The following ZBTB11 variants were observed in gnomAD, a reference collection of about 807,000 sequenced individuals.
ZBTB11 encodes the protein zinc finger and BTB domain containing 11, also known as zinc finger and BTB domain-containing protein 11.
A neutral mutation model predicts 113.1 loss-of-function variants in ZBTB11; 68 were observed. That is an observed-to-expected ratio of 0.60 (90% CI 0.49 to 0.74). The LOEUF (loss-of-function observed/expected upper bound fraction) is 0.74, where lower values mean the gene tolerates loss of function less well. Among genes scored for constraint, ZBTB11 ranks in the 30% least tolerant of loss-of-function variants. ZBTB11 has a pLI of 0.00. For synonymous variants in ZBTB11, 518 were observed against 452.6 expected (o/e 1.14, Z -1.83); for missense variants, 1,104 against 1,279.4 (o/e 0.86, Z 2.09).
At chr3:101,654,947 G>A (rs1936769820) in intron 7 of ZBTB11, 126 bp from the exon 8 acceptor site, 5 of 645,824 alleles carry the variant, frequency 7.7e-6, no homozygotes, top group Middle Eastern at 4.0e-4. Context: ...GCGTGATCTC[G>A]GCTCATCGCA....
Position 101,651,100 on chromosome 3 carries a change from G to T in ZBTB11, c.*66C>A. The T allele has an allele frequency of 6.8e-7, 1 of 1,475,122 alleles. No individual in the cohort carries two copies. The highest frequency in any genetic ancestry group is 9.0e-7 in the Non-Finnish European group (1 of 1,106,898). 91.4% of individuals were successfully genotyped at this position (1,475,122 alleles called of 1,614,324 possible). A position where few individuals can be genotyped will look rare whatever the true frequency, so the allele number is the denominator to read the frequency against. Reference sequence around the variant, plus strand: ...TCCAAGCAGACAGTCACACAGAATTGTAAACAAATGTTCTGTGAGTTCAGT... The same window carrying T: ...TCCAAGCAGACAGTCACACAGAATTTTAAACAAATGTTCTGTGAGTTCAGT... On this transcript the variant is annotated 3_prime_UTR_variant, in exon 11 of 11. Coordinates refer to ENST00000312938, the MANE Select transcript of ZBTB11 (RefSeq NM_014415.4).
intron 6 of ZBTB11, among the ~76,000 whole-genome samples, chr3:101,659,413 C>A (rs1015973340): frequency 2.0e-5 from 3 of 152,178 alleles, no homozygotes; most frequent in Admixed American, 6.5e-5. Flanking sequence ...GAGAAGAACA[C>A]AGCTTAGGCA....
In ZBTB11 at chr3:101,652,945, T is replaced by C; in HGVS notation, c.2310-7A>G. 1.2e-6 allele frequency: 2 copies of C among 1,608,194 alleles called. No individual in the cohort carries two copies. Among genetic ancestry groups the C allele is most frequent in the Non-Finnish European group, 8.5e-7 (1 of 1,177,710 alleles). Reference sequence around the variant, plus strand: ...AAAGAAACTTTTTTCACATCTGCAATAAAGTTCAGTTACCCAATTGGATAA... The same window carrying C: ...AAAGAAACTTTTTTCACATCTGCAACAAAGTTCAGTTACCCAATTGGATAA... On this transcript the variant is annotated splice_region_variant and splice_polypyrimidine_tract_variant and intron_variant, in intron 8 of 10. Transcript: ENST00000312938.
At position 101,649,801 on chromosome 3, in the gene ZBTB11, A is replaced by AT. The variant is rs1278735138; in HGVS notation, c.*1364dup. ...AAACTGGGAGAGGCAACTTAGTAAT[A>AT]TATGTACATCAAGGCACATTCTTTT... is the stretch of plus-strand genomic sequence containing the variant. On this transcript the variant is annotated 3_prime_UTR_variant, in exon 11 of 11. Transcript: ENST00000312938. 1 of 152,676 alleles carries AT rather than the reference A, an allele frequency of 6.5e-6. No individual in the cohort carries two copies. Among genetic ancestry groups the AT allele is most frequent in the Non-Finnish European group, 1.5e-5 (1 of 68,028 alleles). The allele number at this position is 152,676 out of a possible 1,614,324, so 9.5% of individuals were successfully genotyped here. A position where few individuals can be genotyped will look rare whatever the true frequency, so the allele number is the denominator to read the frequency against.
In ZBTB11 at chr3:101,671,328, GAGA is replaced by G. The variant is rs774521202; in HGVS notation, c.577_579del (p.Ser193del). The G allele has an allele frequency of 1.9e-6, 3 of 1,614,128 alleles. No homozygotes were observed. Among genetic ancestry groups the G allele is most frequent in the Non-Finnish European group, 1.7e-6 (2 of 1,180,012 alleles). ...TTTAAGACAGCCTGACAATGTTTTG[GAGA>G]AGAACGTTTTACCACTCCTTTGGTG... On this transcript the variant is annotated inframe_deletion, in exon 3 of 11. Coordinates refer to ENST00000312938, the MANE Select transcript of ZBTB11 (RefSeq NM_014415.4).
At position 101,665,219 on chromosome 3, in the gene ZBTB11, C is replaced by T. The variant is rs756111784; in HGVS notation, c.1368G>A (p.Met456Ile). 2.5e-6 allele frequency: 4 copies of T among 1,614,146 alleles called. No individual in the cohort carries two copies. Among genetic ancestry groups the T allele is most frequent in the Non-Finnish European group, 2.5e-6 (3 of 1,180,030 alleles). ...VISSSPEDSG[M>I]GNDISAEDIC... ...TATCCTCAGCTGATATATCATTTCC[C>T]ATACCACTATCCTCTGGCGAGCTAC... The change falls in exon 4 of 11, where the codon ATG (methionine) becomes ATA (isoleucine). Residue 456 changes from methionine to isoleucine, a missense_variant. Transcript: ENST00000312938.
At position 101,665,334 on chromosome 3, in the gene ZBTB11, T is replaced by C. The variant is rs1423887034; in HGVS notation, c.1253A>G (p.Asn418Ser). The change falls in exon 4 of 11, where the codon AAC becomes AGC. Residue 418 changes from asparagine to serine, a missense_variant. Asn to Ser is a conservative substitution (Grantham distance 46). This residue lies in a region of ZBTB11 where 535 missense variants were observed against 518.6 expected (regional missense o/e 1.03). Transcript: ENST00000312938. Reference protein sequence around the residue: ...EMESVDLITKNNQTELETSNN... With the variant: ...EMESVDLITKSNQTELETSNN... ...TGAAGTTTCTAGTTCTGTCTGGTTG[T>C]TTTTTGTTATTAAATCAACAGACTC... 3 of 1,614,210 alleles carry C rather than the reference T, an allele frequency of 1.9e-6. No individual in the cohort carries two copies. The highest frequency in any genetic ancestry group is 1.7e-5 in the Admixed American group (1 of 60,016).
chr3:101,657,507 C>CAA (rs59962854), intron 6 of ZBTB11, among the ~76,000 whole-genome samples: 4 of 66,052 alleles, frequency 6.1e-5, no homozygotes, highest in Admixed American at 1.7e-4. Context: ...ACCCTGCCTC[C>CAA]AAAAAAAAAA....
intron 6 of ZBTB11, among the ~76,000 whole-genome samples, chr3:101,658,455 C>T (rs977667427): frequency 1.3e-5 from 2 of 152,104 alleles, no homozygotes; most frequent in African/African-American, 4.8e-5. Flanking sequence ...ATCTCCTGAC[C>T]TTGTGATCCG....
At chr3:101,671,733 T>C in intron 2 of ZBTB11, 1 of 597,004 alleles carries the variant, frequency 1.7e-6, no homozygotes. Flanking sequence ...CAATATATCA[T>C]CACAAAAGAA....
chr3:101,655,268 C>T (rs1215456063), intron 7 of ZBTB11, among the ~76,000 whole-genome samples: 1 of 152,194 alleles, frequency 6.6e-6, no homozygotes, highest in Non-Finnish European at 1.5e-5. Context: ...CTAAGATTAA[C>T]AATAACCCAT....
chr3:101,651,725 C>T, intron 10 of ZBTB11, 42 bp from the exon 11 acceptor site: 1 of 1,491,414 alleles, frequency 6.7e-7, no homozygotes, highest in Non-Finnish European at 8.9e-7. Flanking sequence ...GAGGTGCAAG[C>T]ACCAAAATAT....
intron 6 of ZBTB11, among the ~76,000 whole-genome samples, chr3:101,659,082 T>A (rs560009576): frequency 2.0e-5 from 3 of 151,902 alleles, no homozygotes; most frequent in Admixed American, 2.0e-4. Flanking sequence ...CCACAAAATT[T>A]AAAAAAATTA....
chr3:101,664,988 G>C lies in ZBTB11; in HGVS notation c.1599C>G (p.Ala533=). Residue 533 remains alanine, a synonymous_variant, in exon 4 of 11, where the codon GCC becomes GCG. Transcript: ENST00000312938. ...CCTGTTGAACTGCTGACTTGGGAAC[G>C]GCTTTCCGTTTCTGCAGCTTTTTCT... ...GMEKKLQKRK[A]VPKSAVQQVA... is the part of the protein sequence containing the mutation. 2 of 1,611,794 alleles carry C rather than the reference G, an allele frequency of 1.2e-6. No homozygotes were observed. The highest frequency in any genetic ancestry group is 1.7e-6 in the Non-Finnish European group (2 of 1,178,544).
Position 101,665,196 on chromosome 3 carries a change from T to C in ZBTB11, c.1391A>G (p.Asp464Gly). 6.2e-7 allele frequency: 1 copy of C among 1,614,196 alleles called. No individual in the cohort carries two copies. Among genetic ancestry groups the C allele is most frequent in the Non-Finnish European group, 8.5e-7 (1 of 1,180,034 alleles). The change falls in exon 4 of 11, where the codon GAT becomes GGT. Residue 464 changes from aspartate (D) to glycine (G), a missense_variant. Physicochemically the swap from Asp to Gly is moderately conservative, Grantham distance 94. Transcript: ENST00000312938. ...TTTTGGAATGTCTTCGGCACAAATA[T>C]CCTCAGCTGATATATCATTTCCCAT... is the stretch of plus-strand genomic sequence containing the variant. ...SGMGNDISAE[D>G]ICAEDIPKHR... is the part of the protein sequence containing the mutation.
At position 101,665,553 on chromosome 3, in the gene ZBTB11, G is replaced by GGGAGGAACCA. The variant is rs1936982548; in HGVS notation, c.1033_1034insTGGTTCCTCC (p.Ala345ValfsTer5). On this transcript the variant is annotated frameshift_variant, in exon 4 of 11. Transcript: ENST00000312938. LOFTEE classifies it high-confidence loss of function. ...ACTTGTTGTGGTTCCCTCACTGCTA[G>GGGAGGAACCA]CAACAGGAGGTGCTGTACCTCCATT... 6.2e-7 allele frequency: 1 copy of GGGAGGAACCA among 1,614,096 alleles called. No homozygotes were observed. The highest frequency in any genetic ancestry group is 1.3e-5 in the African/African-American group (1 of 74,926).
intron 1 of ZBTB11, among the ~76,000 whole-genome samples, chr3:101,674,138 C>G (rs1937124950): frequency 1.3e-5 from 2 of 150,180 alleles, no homozygotes; most frequent in Admixed American, 6.7e-5. Flanking sequence ...AAGTTCGAGA[C>G]AAGCCTGGCC....
At chr3:101,662,722 T>G (rs553536513) in intron 5 of ZBTB11, among the ~76,000 whole-genome samples, 1 of 152,302 alleles carries the variant, frequency 6.6e-6, no homozygotes, top group South Asian at 2.1e-4. Context: ...TTTTTTTCTT[T>G]TTAGTAGTTT....
At chr3:101,653,705 G>GA (rs1374310479) in intron 8 of ZBTB11, among the ~76,000 whole-genome samples, 4 of 152,100 alleles carry the variant, frequency 2.6e-5, no homozygotes, top group Non-Finnish European at 5.9e-5. Context: ...ATCTCTCCAC[G>GA]AAAGTAGAGG....
Sources: gnomAD v4.1 joint callset for allele counts (sites outside exome capture counted in the v4.1 genomes callset) on GRCh38, gnomAD v4.1.1 for gene constraint, gnomAD v4.1.1 regional missense constraint, MANE v1.5 for transcripts, NCBI Gene and HGNC (gene_info 2026-07-23, HGNC 2026-07-21) for gene names.